BIRC6: variants seen among roughly 807,000 people sequenced by gnomAD.
BIRC6 encodes the protein baculoviral IAP repeat containing 6.
In BIRC6, 98 loss-of-function variants were observed where a neutral mutation model predicts 503.3. That is an observed-to-expected ratio of 0.19 (90% confidence interval 0.17 to 0.23). The LOEUF (loss-of-function observed/expected upper bound fraction) is 0.23, where lower values mean the gene tolerates loss of function less well. BIRC6 is among the 10% of genes least tolerant of loss of function. BIRC6 has a pLI of 1.00. For missense variants in BIRC6, 5,360 were observed against 5,806.0 expected, an observed-to-expected ratio of 0.92 and a Z score of 2.50; for synonymous variants, 2,240 against 2,078.7, an observed-to-expected ratio of 1.08 and a Z score of -2.11.
chr2:32,470,213 T>C lies in BIRC6; in HGVS notation c.6393T>C (p.Asn2131=). The change falls in exon 31 of 74, where the codon AAT becomes AAC. Residue 2131 remains asparagine, a synonymous_variant. Coordinates refer to ENST00000421745, the MANE Select transcript of BIRC6 (RefSeq NM_016252.4). ...GCATTGGTCAAAGATCACTTAGTAA[T>C]AGTGGAGTATTAGAAAGCTTACTTA... ...LSCIGQRSLS[N]SGVLESLLNL... is the part of the protein sequence containing the mutation. 14 of 1,572,688 alleles carry C rather than the reference T, an allele frequency of 8.9e-6. No individual in the cohort carries two copies. Among genetic ancestry groups the C allele is most frequent in the Non-Finnish European group, 1.2e-5 (14 of 1,157,144 alleles).
chr2:32,357,048 C>G lies in BIRC6; in HGVS notation c.-114C>G. ...CTCCCTCCCTGCTTCTCCCCCTCTC[C>G]CGTCAGCCTCCCTCCGAGTTTGGCC... On this transcript the variant is annotated 5_prime_UTR_variant, in exon 1 of 74. Coordinates refer to ENST00000421745, the MANE Select transcript of BIRC6 (RefSeq NM_016252.4). This position sits in a 1 kb window ranked among gnomAD's most constrained non-coding sequence, Gnocchi z 4.9. 1.1e-6 allele frequency: 1 copy of G among 938,376 alleles called. No homozygotes were observed. Among genetic ancestry groups the G allele is most frequent in the Non-Finnish European group, 1.5e-6 (1 of 672,730 alleles). 58.1% of individuals were successfully genotyped at this position (938,376 alleles called of 1,614,324 possible).
chr2:32,514,385 A>G (rs2054785125), intron 54 of BIRC6, among the ~76,000 whole-genome samples: 1 of 152,212 alleles, frequency 6.6e-6, no homozygotes, highest in Non-Finnish European at 1.5e-5. Context: ...TCCTTTTGAC[A>G]AGTAGTTTTT....
At chr2:32,497,408 T>A (rs2052607197) in intron 45 of BIRC6, among the ~76,000 whole-genome samples, 1 of 152,260 alleles carries the variant, frequency 6.6e-6, no homozygotes, top group African/African-American at 2.4e-5. Context: ...ATTTATTCTC[T>A]GAATTTATTC....
At chr2:32,612,940 TC>T (rs2062980458) in intron 73 of BIRC6, among the ~76,000 whole-genome samples, 1 of 152,206 alleles carries the variant, frequency 6.6e-6, no homozygotes, top group Non-Finnish European at 1.5e-5. Context: ...ACTTCTTGCC[TC>T]CATTTTTTAA....
chr2:32,420,280 A>G (rs1002876872), intron 10 of BIRC6, among the ~76,000 whole-genome samples: 3 of 152,074 alleles, frequency 2.0e-5, no homozygotes, highest in Non-Finnish European at 4.4e-5. Flanking sequence ...TTTGTGTATA[A>G]TTGGTCTTAT....
rs1302776268 is a variant in BIRC6 at position 32,513,263 on chromosome 2, G to T, written c.10568+109G>T. 3.8e-5 allele frequency: 28 copies of T among 738,716 alleles called. No homozygotes were observed. The East Asian group carries it at 6.2e-4, about 16-fold the overall frequency. 45.8% of individuals were successfully genotyped at this position (738,716 alleles called of 1,614,324 possible). A position where few individuals can be genotyped will look rare whatever the true frequency, so the allele number is the denominator to read the frequency against. ...TTTATTAGGAGAAACATAATATTTT[G>T]AAAGTAGCAAATATAATCAAGTATA... On this transcript the variant is annotated intron_variant, in intron 54 of 73. Transcript: ENST00000421745.
Position 32,515,628 on chromosome 2 carries a change from C to T in BIRC6, c.11207C>T (p.Thr3736Ile). ...AGCCATAATTTAGGTGCACAACAGACCAGTGCAAGATCAGCTTCTCTTTCT... is the reference window on the plus strand; with the variant it reads ...AGCCATAATTTAGGTGCACAACAGATCAGTGCAAGATCAGCTTCTCTTTCT... ...SGSHNLGAQQ[T>I]SARSASLSSA... Residue 3736 changes from threonine to isoleucine, a missense_variant, in exon 55 of 74, where the codon ACC becomes ATC. By Grantham distance (89) the Thr-to-Ile change is moderately conservative. Around this residue, in one of 16 missense-constraint regions of BIRC6, gnomAD observed 878 missense variants for 928.9 expected, o/e 0.95. Transcript: ENST00000421745. The T allele has an allele frequency of 6.2e-7, 1 of 1,613,080 alleles. No individual in the cohort carries two copies. The highest frequency in any genetic ancestry group is 8.5e-7 in the Non-Finnish European group (1 of 1,179,868).
At chr2:32,589,097 C>T (rs2061244187) in intron 66 of BIRC6, among the ~76,000 whole-genome samples, 1 of 151,932 alleles carries the variant, frequency 6.6e-6, no homozygotes, top group South Asian at 2.1e-4. Context: ...AAGCAAAAAT[C>T]GTATTTAGTG....
intron 33 of BIRC6, among the ~76,000 whole-genome samples, chr2:32,473,586 T>C (rs1279322713): frequency 1.3e-5 from 2 of 152,064 alleles, no homozygotes; most frequent in East Asian, 3.8e-4. Flanking sequence ...GGCTTTTGTT[T>C]GACCTTTGGA....
intron 42 of BIRC6, among the ~76,000 whole-genome samples, 195 bp downstream of exon 42, chr2:32,488,909 A>G (rs2051332990): frequency 6.6e-6 from 1 of 152,218 alleles, no homozygotes; most frequent in Non-Finnish European, 1.5e-5. Context: ...TTGAGAATAG[A>G]AGACTCCTAC....
chr2:32,490,226 G>A, intron 43 of BIRC6, 75 bp downstream of exon 43: 1 of 1,288,318 alleles, frequency 7.8e-7, no homozygotes, highest in Non-Finnish European at 1.1e-6. Flanking sequence ...TTAAAACAGA[G>A]TTTTCCAAGG....
At chr2:32,436,662 C>T (rs2044741237) in intron 15 of BIRC6, among the ~76,000 whole-genome samples, 1 of 152,038 alleles carries the variant, frequency 6.6e-6, no homozygotes, top group South Asian at 2.1e-4. Context: ...TCACTGAAAC[C>T]TCCGCCTCCT....
intron 40 of BIRC6, among the ~76,000 whole-genome samples, chr2:32,486,068 C>A (rs1572556568): frequency 2.6e-5 from 4 of 152,138 alleles, no homozygotes; most frequent in Admixed American, 2.6e-4. Flanking sequence ...TTCATACCTG[C>A]CTGTGAGTTC....
intron 59 of BIRC6, chr2:32,528,673 A>G (rs2056483792): frequency 6.6e-6 from 1 of 152,208 alleles, no homozygotes; most frequent in Non-Finnish European, 1.5e-5. Flanking sequence ...GTAAGAAAAC[A>G]ATTGCCTATT....
chr2:32,595,187 T>G, intron 68 of BIRC6, 43 bp downstream of exon 68: 1 of 1,312,092 alleles, frequency 7.6e-7, no homozygotes, highest in Non-Finnish European at 1.1e-6. Flanking sequence ...CACTTTCCAT[T>G]TTTTTTTAAC....
intron 57 of BIRC6, among the ~76,000 whole-genome samples, chr2:32,519,504 C>G (rs1184405294): frequency 6.6e-6 from 1 of 151,950 alleles, no homozygotes; most frequent in African/African-American, 2.4e-5. Flanking sequence ...GGCATATCAA[C>G]TTTTTATTTT....
In BIRC6 at chr2:32,473,169, C is replaced by G; in HGVS notation, c.6650C>G (p.Ser2217Cys). The G allele has an allele frequency of 6.4e-7, 1 of 1,574,202 alleles. No individual in the cohort carries two copies. The highest frequency in any genetic ancestry group is 8.6e-7 in the Non-Finnish European group (1 of 1,156,702). The stretch of plus-strand genomic sequence containing the variant: ...CACACTCAGAGCTTAAATAGATCTT[C>G]TAAAGGCAGCAGTAGCCTTGATAGA... ...NLHTQSLNRS[S>C]KGSSSLDRLY... Residue 2217 changes from serine (S) to cysteine (C), a missense_variant, in exon 33 of 74, where the codon TCT (serine) becomes TGT (cysteine). Ser to Cys is a moderately radical substitution (Grantham distance 112, BLOSUM62 -1). Coordinates refer to ENST00000421745, the MANE Select transcript of BIRC6 (RefSeq NM_016252.4).
At chr2:32,496,379 A>G (rs948567554) in intron 45 of BIRC6, among the ~76,000 whole-genome samples, 1 of 151,852 alleles carries the variant, frequency 6.6e-6, no homozygotes, top group South Asian at 2.1e-4. Context: ...GCCCATCACC[A>G]TGCCTGGCTA....
intron 61 of BIRC6, among the ~76,000 whole-genome samples, chr2:32,531,908 AAT>A (rs966935090): frequency 4.9e-4 from 75 of 152,276 alleles, no homozygotes; most frequent in African/African-American, 1.8e-3. Flanking sequence ...TACTGCCACC[AAT>A]ATATGTCTTT....
Sources: gnomAD v4.1 joint callset for allele counts (sites outside exome capture counted in the v4.1 genomes callset) on GRCh38, gnomAD v4.1.1 for gene constraint, gnomAD v4.1.1 regional missense constraint, Gnocchi (gnomAD v3.1) non-coding constraint, MANE v1.5 for transcripts, NCBI Gene and HGNC (gene_info 2026-07-23, HGNC 2026-07-21) for gene names.